The following SND1 variants were observed in gnomAD, a reference collection of about 807,000 sequenced individuals.
SND1 encodes staphylococcal nuclease and tudor domain containing 1, also known as staphylococcal nuclease domain-containing protein 1.
A neutral mutation model predicts 121.7 loss-of-function variants in SND1; 38 were observed. The ratio of observed to expected loss-of-function variants is 0.31; its 90% CI spans 0.24 to 0.41. The LOEUF (loss-of-function observed/expected upper bound fraction) is 0.41, where lower values mean the gene tolerates loss of function less well. Ranked by LOEUF, SND1 falls within the 10% of genes least tolerant of loss-of-function variation. The pLI, the probability that SND1 is intolerant of heterozygous loss-of-function variation, is 1.00. For missense variants in SND1, 868 were observed against 1,184.6 expected, an observed-to-expected ratio of 0.73 and a Z score of 3.92; for synonymous variants, 401 against 447.4, an observed-to-expected ratio of 0.90 and a Z score of 1.31.
At chr7:128,059,189 C>T (rs1793191513) in intron 16 of SND1, among the ~76,000 whole-genome samples, 1 of 152,152 alleles carries the variant, frequency 6.6e-6, no homozygotes, top group Non-Finnish European at 1.5e-5. Flanking sequence ...CTTTAAGGTC[C>T]GATCCTACCT....
chr7:127,728,776 A>T (rs181692161), intron 10 of SND1, among the ~76,000 whole-genome samples: 1 of 152,342 alleles, frequency 6.6e-6, no homozygotes, highest in African/African-American at 2.4e-5. Context: ...ACCTAATTCC[A>T]TATATTGCTT....
At chr7:127,678,328 C>G (rs1795649740) in intron 1 of SND1, among the ~76,000 whole-genome samples, 1 of 152,178 alleles carries the variant, frequency 6.6e-6, no homozygotes, top group Admixed American at 6.5e-5. Flanking sequence ...TGAAGTCTCT[C>G]TGTAGATGAT....
intron 15 of SND1, among the ~76,000 whole-genome samples, chr7:127,973,897 G>C (rs1010813568): frequency 6.6e-6 from 1 of 152,228 alleles, no homozygotes; most frequent in Non-Finnish European, 1.5e-5. Context: ...CTGACCACCT[G>C]AACCTCTGTG....
intron 12 of SND1, chr7:127,858,616 A>G (rs1184246550): frequency 6.8e-6 from 2 of 294,846 alleles, no homozygotes; most frequent in Non-Finnish European, 1.3e-5. Context: ...AGGGAACAAA[A>G]ACACCACTCT....
intron 9 of SND1, among the ~76,000 whole-genome samples, chr7:127,712,505 A>G (rs188447703): frequency 3.0e-4 from 45 of 152,162 alleles, no homozygotes; most frequent in Non-Finnish European, 5.9e-4. Context: ...AAGATTTGAA[A>G]CCATCCATCA....
intron 16 of SND1, chr7:127,997,433 C>G (rs1188315259): frequency 6.2e-6 from 2 of 321,832 alleles, no homozygotes; most frequent in African/African-American, 4.3e-5. Context: ...TTTGCTATGC[C>G]CATGCCTCCC....
chr7:128,015,678 G>C lies in SND1; in HGVS notation c.1779+24622G>C, dbSNP rs1803209483. Among the ~76,000 whole-genome samples, 1 of 152,176 alleles carries C rather than the reference G, an allele frequency of 6.6e-6. No homozygotes were observed. Among genetic ancestry groups the C allele is most frequent in the Non-Finnish European group, 1.5e-5 (1 of 68,032 alleles). ...ATGAAATGATTGGTAACAAGTATGAGAGGGGTCATGGGTGACCTTGTTCAA... is the reference window on the plus strand; with the variant it reads ...ATGAAATGATTGGTAACAAGTATGACAGGGGTCATGGGTGACCTTGTTCAA... On this transcript the variant is annotated intron_variant, in intron 16 of 23. Coordinates refer to ENST00000354725, the MANE Select transcript of SND1 (RefSeq NM_014390.4). This position sits in a 1 kb window ranked among gnomAD's most constrained non-coding sequence, Gnocchi z 4.5.
At chr7:127,729,621 T>C (rs2116407395) in intron 10 of SND1, among the ~76,000 whole-genome samples, 1 of 152,278 alleles carries the variant, frequency 6.6e-6, no homozygotes, top group African/African-American at 2.4e-5. Flanking sequence ...CCTTGTGTAC[T>C]TTAGGCACTG....
intron 16 of SND1, chr7:128,030,799 A>T: frequency 1.1e-6 from 1 of 940,972 alleles, no homozygotes; most frequent in South Asian, 2.1e-5. Flanking sequence ...GCCGAAAAAA[A>T]TCCTGCCAAA....
At chr7:127,893,865 C>T (rs1313799039) in intron 13 of SND1, among the ~76,000 whole-genome samples, 1 of 152,002 alleles carries the variant, frequency 6.6e-6, no homozygotes, top group Non-Finnish European at 1.5e-5. Flanking sequence ...TCTGATTCAG[C>T]AAACCCTCTT....
intron 16 of SND1, among the ~76,000 whole-genome samples, chr7:128,034,285 C>T (rs758076217): frequency 5.9e-5 from 9 of 152,170 alleles, no homozygotes; most frequent in African/African-American, 7.2e-5. Flanking sequence ...AGAAAATGAA[C>T]TCTCATCAAG....
At chr7:127,956,834 T>TA (rs1310328377) in intron 15 of SND1, among the ~76,000 whole-genome samples, 1 of 152,256 alleles carries the variant, frequency 6.6e-6, no homozygotes, top group African/African-American at 2.4e-5. Context: ...AGATATTACT[T>TA]ACCACCTTCT....
chr7:127,693,082 C>T (rs712715), intron 2 of SND1, among the ~76,000 whole-genome samples: 41,669 of 152,114 alleles, frequency 0.27, 7,211 homozygotes, highest in East Asian at 0.7. Flanking sequence ...AATATTAATA[C>T]TCAGGACTAC....
chr7:127,863,989 C>T (rs1799424428), intron 12 of SND1, among the ~76,000 whole-genome samples: 2 of 152,126 alleles, frequency 1.3e-5, no homozygotes, highest in South Asian at 4.1e-4. Context: ...AGAAAAGTAC[C>T]TCAAGAAGTG....
chr7:127,944,037 A>G (rs1563066098), intron 15 of SND1, among the ~76,000 whole-genome samples: 1 of 152,132 alleles, frequency 6.6e-6, no homozygotes, highest in Non-Finnish European at 1.5e-5. Context: ...TACTTCCACT[A>G]TGCCATTGGC....
At chr7:127,727,886 A>G (rs2116403480) in intron 10 of SND1, among the ~76,000 whole-genome samples, 1 of 152,304 alleles carries the variant, frequency 6.6e-6, no homozygotes, top group East Asian at 1.9e-4. Context: ...CATCTATTTA[A>G]GATTCCAGGA....
intron 9 of SND1, among the ~76,000 whole-genome samples, chr7:127,710,746 A>G (rs980021103): frequency 6.6e-6 from 1 of 152,146 alleles, no homozygotes; most frequent in Non-Finnish European, 1.5e-5. Context: ...TTAATTTTTC[A>G]GTTTAAGGGC....
chr7:127,989,470 C>T (rs975439764), intron 15 of SND1, among the ~76,000 whole-genome samples: 5 of 152,168 alleles, frequency 3.3e-5, no homozygotes, highest in South Asian at 2.1e-4. Flanking sequence ...GAAACATGAG[C>T]AGCACCTAGC....
At position 128,029,003 on chromosome 7, in the gene SND1, G is replaced by A. The variant is rs58695944; in HGVS notation, c.1779+37947G>A. 3 of 1,613,354 alleles carry A rather than the reference G, an allele frequency of 1.9e-6. No individual in the cohort carries two copies. The highest frequency in any genetic ancestry group is 2.2e-5 in the East Asian group (1 of 44,864). On this transcript the variant is annotated intron_variant, in intron 16 of 23. Coordinates refer to ENST00000354725, the MANE Select transcript of SND1 (RefSeq NM_014390.4). This position sits in a 1 kb window ranked among gnomAD's most constrained non-coding sequence, Gnocchi z 4.2. ...GGTGCCGCTTACGAAGTTTATAGAA[G>A]ACAATCAACATGGCGGCAGCTAGCA...
Sources: allele counts gnomAD v4.1 joint callset (sites outside exome capture counted in the v4.1 genomes callset), GRCh38; gene constraint gnomAD v4.1.1; non-coding constraint Gnocchi (gnomAD v3.1); transcripts MANE v1.5; gene names NCBI Gene and HGNC (gene_info 2026-07-23, HGNC 2026-07-21).